Variants in PPP2R3A observed in about 807,000 individuals in gnomAD.
The protein encoded by PPP2R3A is serine/threonine-protein phosphatase 2A regulatory subunit B'' subunit alpha.
PPP2R3A carries 80 observed loss-of-function variants against 106.9 expected under a neutral mutation model. The ratio of observed to expected loss-of-function variants is 0.75; its 90% confidence interval spans 0.62 to 0.90. PPP2R3A has a LOEUF of 0.90. Among genes scored for constraint, PPP2R3A ranks in the 40% least tolerant of loss-of-function variants. PPP2R3A has a pLI of 0.00. For synonymous variants in PPP2R3A, 483 were observed against 468.3 expected, an observed-to-expected ratio of 1.03 and a Z score of -0.41; for missense variants, 1,386 against 1,350.4, an observed-to-expected ratio of 1.03 and a Z score of -0.41.
intron 9 of PPP2R3A, among the ~76,000 whole-genome samples, chr3:136,088,181 G>T (rs774482079): frequency 1.3e-5 from 2 of 152,158 alleles, no homozygotes; most frequent in Non-Finnish European, 2.9e-5. Context: ...TTTGGTGTAT[G>T]GAGGATCCTG....
At chr3:135,966,865 T>C (rs1035019574) in intron 1 of PPP2R3A, among the ~76,000 whole-genome samples, 2 of 152,162 alleles carry the variant, frequency 1.3e-5, no homozygotes, top group Admixed American at 6.5e-5. Flanking sequence ...CATTTTTCTT[T>C]GTTCTTCCTT....
intron 7 of PPP2R3A, among the ~76,000 whole-genome samples, chr3:136,080,665 A>G (rs942446350): frequency 6.6e-6 from 1 of 152,138 alleles, no homozygotes; most frequent in African/African-American, 2.4e-5. Flanking sequence ...CCCTTATACA[A>G]CTAGTATCAT....
intron 11 of PPP2R3A, 64 bp from the exon 12 acceptor site, chr3:136,103,194 A>G (rs1937422526): frequency 6.0e-6 from 6 of 1,001,762 alleles, no homozygotes; most frequent in South Asian, 1.7e-5. Context: ...TGTCAGGGAA[A>G]GTTTTTTCCT....
chr3:135,982,655 C>T (rs1015442219), intron 1 of PPP2R3A, among the ~76,000 whole-genome samples: 1 of 152,148 alleles, frequency 6.6e-6, no homozygotes, highest in Non-Finnish European at 1.5e-5. Flanking sequence ...CTGTGGTCAA[C>T]CTCTGTACCC....
At chr3:136,068,701 T>C (rs892812866) in intron 5 of PPP2R3A, among the ~76,000 whole-genome samples, 2 of 152,126 alleles carry the variant, frequency 1.3e-5, no homozygotes, top group Admixed American at 6.5e-5. Context: ...TGAGGAGAAA[T>C]AGGATATTGA....
rs1022520630 is a variant in PPP2R3A at position 136,147,563 on chromosome 3, G to A, written c.*2397G>A. 1.8e-4 allele frequency: 27 copies of A among 152,548 alleles called. No individual in the cohort carries two copies. Among genetic ancestry groups the A allele is most frequent in the Admixed American group, 1.8e-3 (27 of 15,276 alleles). The allele number at this position is 152,548 out of a possible 1,614,324, so 9.4% of individuals were successfully genotyped here. On this transcript the variant is annotated 3_prime_UTR_variant, in exon 14 of 14. Coordinates refer to ENST00000264977, the MANE Select transcript of PPP2R3A (RefSeq NM_002718.5). ...TATTTGACTTTCTGGTAAAGATCAT[G>A]GTTAAGTATAATCATTACTGCCAAA... is the stretch of plus-strand genomic sequence containing the variant.
rs561212996 is a variant in PPP2R3A at position 135,980,543 on chromosome 3, A to G, written c.-441+14694A>G. ...TGCACTGGGCAGCTTTATTGCCCCA[A>G]TAAAATTTATAGATGATTCCCACCC... is the stretch of plus-strand genomic sequence containing the variant. On this transcript the variant is annotated intron_variant, in intron 1 of 13. Coordinates refer to ENST00000264977, the MANE Select transcript of PPP2R3A (RefSeq NM_002718.5). 8.6e-4 allele frequency among the ~76,000 whole-genome samples: 131 copies of G among 151,978 alleles called. 5 individuals carry two copies. The highest frequency in any genetic ancestry group is 3.1e-3 in the African/African-American group (128 of 41,232).
chr3:135,969,700 G>C (rs1172809952), intron 1 of PPP2R3A, among the ~76,000 whole-genome samples: 2 of 152,214 alleles, frequency 1.3e-5, no homozygotes, highest in African/African-American at 2.4e-5. Flanking sequence ...CTGACTCACA[G>C]ATGTTTTGCC....
In PPP2R3A at chr3:136,089,613, T is replaced by C. The variant is rs186781511; in HGVS notation, c.2838-965T>C. Among the ~76,000 whole-genome samples, 1,231 of 152,084 alleles carry C rather than the reference T, an allele frequency of 8.1e-3. 11 individuals are homozygous for C. Among genetic ancestry groups the C allele is most frequent in the Middle Eastern group, 0.014 (4 of 294 alleles). On this transcript the variant is annotated intron_variant, in intron 9 of 13. Coordinates refer to ENST00000264977, the MANE Select transcript of PPP2R3A (RefSeq NM_002718.5). ...ATTTTAGAATGGTGTTGTTTTTTTT[T>C]TTTTCTTAAAAAAAAACTAGTCTGT...
At chr3:136,033,477 G>T (rs9862777) in intron 3 of PPP2R3A, among the ~76,000 whole-genome samples, 35,111 of 152,062 alleles carry the variant, frequency 0.23, 4,872 homozygotes, top group Non-Finnish European at 0.32. Flanking sequence ...ATTCTTCTTT[G>T]AATGTCTGGT....
At position 136,082,543 on chromosome 3, in the gene PPP2R3A, C is replaced by A. The variant is rs151001370; in HGVS notation, c.2788+122C>A. On this transcript the variant is annotated intron_variant, in intron 8 of 13. Coordinates refer to ENST00000264977, the MANE Select transcript of PPP2R3A (RefSeq NM_002718.5). Reference sequence around the variant, plus strand: ...ACCTAATCAAGTCCTCTTTACAGGCCAATAATTTTTAAGAGGGGATGAGTG... The same window carrying A: ...ACCTAATCAAGTCCTCTTTACAGGCAAATAATTTTTAAGAGGGGATGAGTG... The A allele has an allele frequency of 3.3e-5, 36 of 1,081,282 alleles. No individual in the cohort carries two copies. In the African/African-American group the frequency reaches 4.9e-4, roughly 15 times the overall value. 67.0% of individuals were successfully genotyped at this position (1,081,282 alleles called of 1,614,324 possible).
At chr3:136,129,826 C>T (rs966479245) in intron 13 of PPP2R3A, among the ~76,000 whole-genome samples, 1 of 152,158 alleles carries the variant, frequency 6.6e-6, no homozygotes, top group Non-Finnish European at 1.5e-5. Context: ...ATGATCAAGT[C>T]AGCTTCATCC....
chr3:135,995,385 G>A (rs1933346565), intron 1 of PPP2R3A, among the ~76,000 whole-genome samples: 1 of 150,698 alleles, frequency 6.6e-6, no homozygotes, highest in South Asian at 2.1e-4. Flanking sequence ...TTATGATAGA[G>A]TGCTTATCCT....
At chr3:136,116,365 A>G (rs1937761951) in intron 13 of PPP2R3A, among the ~76,000 whole-genome samples, 1 of 152,216 alleles carries the variant, frequency 6.6e-6, no homozygotes, top group Non-Finnish European at 1.5e-5. Flanking sequence ...TAGCATCATA[A>G]TGACAGGATC....
chr3:136,113,665 C>G (rs1172162951), intron 13 of PPP2R3A, among the ~76,000 whole-genome samples: 1 of 151,958 alleles, frequency 6.6e-6, no homozygotes, highest in African/African-American at 2.4e-5. Context: ...TGTGGTAGCA[C>G]TTGCCTGTAA....
chr3:136,131,182 C>T (rs1242345073), intron 13 of PPP2R3A, among the ~76,000 whole-genome samples: 1 of 152,152 alleles, frequency 6.6e-6, no homozygotes, highest in East Asian at 1.9e-4. Flanking sequence ...AACTAAAGAG[C>T]TTCTGCACAG....
At chr3:136,052,456 C>A (rs1238861084) in intron 5 of PPP2R3A, among the ~76,000 whole-genome samples, 2 of 152,194 alleles carry the variant, frequency 1.3e-5, no homozygotes, top group Non-Finnish European at 2.9e-5. Context: ...CTTTGGCCCT[C>A]AGGACTATAA....
At chr3:136,109,700 G>C (rs186364674) in intron 13 of PPP2R3A, among the ~76,000 whole-genome samples, 1 of 152,258 alleles carries the variant, frequency 6.6e-6, no homozygotes, top group African/African-American at 2.4e-5. Context: ...CTCAGCATCT[G>C]AGTTAAACTG....
chr3:135,976,887 A>G (rs1329208543), intron 1 of PPP2R3A, among the ~76,000 whole-genome samples: 1 of 152,108 alleles, frequency 6.6e-6, no homozygotes, highest in African/African-American at 2.4e-5. Flanking sequence ...TCAGTTGGCC[A>G]TTCATTTAGA....
Sources: gnomAD v4.1 joint callset for allele counts (sites outside exome capture counted in the v4.1 genomes callset) on GRCh38, gnomAD v4.1.1 for gene constraint, MANE v1.5 for transcripts, NCBI Gene and HGNC (gene_info 2026-07-23, HGNC 2026-07-21) for gene names.